QTGAL: variants seen among roughly 807,000 people sequenced by gnomAD.
The protein encoded by QTGAL is queuosine-tRNA galactosyltransferase.
At chr17:83,034,664 A>G in the QTGAL span, among the ~76,000 whole-genome samples, 7 of 152,144 alleles carry the variant, frequency 4.6e-5, no homozygotes, top group Non-Finnish European at 1.0e-4. Flanking sequence ...CCCCGGTGGG[A>G]GGCCACTGAA....
At chr17:82,946,819 A>G in the QTGAL span, 9 of 1,333,148 alleles carry the variant, frequency 6.8e-6, no homozygotes, top group Non-Finnish European at 9.4e-6. Flanking sequence ...AGCAGAATGA[A>G]AAGGAAATGA....
At chr17:82,961,094 G>A in the QTGAL span, 149 of 1,610,348 alleles carry the variant, frequency 9.3e-5, no homozygotes, top group African/African-American at 1.6e-4. Context: ...GGGTGGTGGC[G>A]ATACAGCAGG....
the QTGAL span, chr17:83,006,714 G>C: frequency 2.0e-6 from 2 of 985,450 alleles, no homozygotes; most frequent in Non-Finnish European, 1.2e-6. The surrounding 1 kb of genome is among the most constrained non-coding windows in gnomAD (Gnocchi z 5.8). Context: ...CCCGGCTTTC[G>C]CACTGCTCCT....
At chr17:82,961,078 G>A in the QTGAL span, 54 of 1,609,946 alleles carry the variant, frequency 3.4e-5, no homozygotes, top group African/African-American at 8.0e-5. Flanking sequence ...GTGCGTGGCC[G>A]CCTGTGGGTG....
At chr17:83,043,922 T>C in the QTGAL span, among the ~76,000 whole-genome samples, 1 of 151,694 alleles carries the variant, frequency 6.6e-6, no homozygotes, top group East Asian at 1.9e-4. Context: ...AGAAACAAAC[T>C]ACCAAAATTG....
chr17:82,966,745 G>C, the QTGAL span, among the ~76,000 whole-genome samples: 1 of 152,176 alleles, frequency 6.6e-6, no homozygotes, highest in Admixed American at 6.5e-5. Flanking sequence ...CATCCAGGGA[G>C]AACATTCGTG....
At chr17:83,030,010 T>G in the QTGAL span, among the ~76,000 whole-genome samples, 1 of 152,210 alleles carries the variant, frequency 6.6e-6, no homozygotes, top group African/African-American at 2.4e-5. Context: ...AGTTAGTCGC[T>G]ACCCACGAAA....
chr17:83,005,956 C>T, the QTGAL span: 10 of 1,184,212 alleles, frequency 8.4e-6, no homozygotes, highest in East Asian at 4.0e-4. The surrounding 1 kb of genome is among the most constrained non-coding windows in gnomAD (Gnocchi z 5.6). Flanking sequence ...GGTAGGAGGG[C>T]AGGTCCTTCA....
the QTGAL span, among the ~76,000 whole-genome samples, chr17:83,013,551 C>T: frequency 2.3e-4 from 35 of 151,112 alleles, no homozygotes; most frequent in African/African-American, 8.0e-4. Flanking sequence ...CTGTCACGAG[C>T]ACCCACTCTG....
chr17:82,957,584 C>T, the QTGAL span: 1 of 1,464,860 alleles, frequency 6.8e-7, no homozygotes, highest in Non-Finnish European at 9.1e-7. Context: ...GTGCTCAGCT[C>T]ACGTTGCCAG....
the QTGAL span, among the ~76,000 whole-genome samples, chr17:82,959,386 G>T: frequency 7.2e-6 from 1 of 139,088 alleles, no homozygotes; most frequent in African/African-American, 2.6e-5. Flanking sequence ...TGCAGTGAGC[G>T]TGTGCAGTGA....
chr17:82,997,149 T>G, the QTGAL span, among the ~76,000 whole-genome samples: 1 of 152,188 alleles, frequency 6.6e-6, no homozygotes. Flanking sequence ...ATTACCCATC[T>G]GACAAGGGAT....
chr17:82,953,453 G>A, the QTGAL span, among the ~76,000 whole-genome samples: 4 of 152,078 alleles, frequency 2.6e-5, no homozygotes, highest in Non-Finnish European at 4.4e-5. Context: ...ACCCTCCCAA[G>A]ACTAAACCAG....
the QTGAL span, among the ~76,000 whole-genome samples, chr17:82,950,735 C>T: frequency 6.6e-6 from 1 of 152,226 alleles, no homozygotes; most frequent in Non-Finnish European, 1.5e-5. Flanking sequence ...ACACGAACCC[C>T]TCGTACATCA....
the QTGAL span, among the ~76,000 whole-genome samples, chr17:82,969,754 A>G: frequency 0.062 from 9,379 of 152,178 alleles, 765 homozygotes; most frequent in African/African-American, 0.19. Flanking sequence ...ATCACAGCTC[A>G]CTGCAGCCTC....
At chr17:82,981,345 C>T in the QTGAL span, 1 of 152,270 alleles carries the variant, frequency 6.6e-6, no homozygotes, top group Admixed American at 6.5e-5. Flanking sequence ...GAGGTATTCA[C>T]CAGCCCCAGC....
the QTGAL span, chr17:83,051,607 AG>A: frequency 1.2e-5 from 11 of 949,206 alleles, no homozygotes; most frequent in Non-Finnish European, 1.6e-5. Flanking sequence ...CTCAGGGCGG[AG>A]ACCCCGTAGG....
the QTGAL span, among the ~76,000 whole-genome samples, chr17:83,019,556 G>A: frequency 0.34 from 52,434 of 152,026 alleles, 9,397 homozygotes; most frequent in South Asian, 0.44. Flanking sequence ...GCTGTTTCAC[G>A]GGGACAGAGC....
the QTGAL span, among the ~76,000 whole-genome samples, chr17:83,034,685 G>A: frequency 3.3e-5 from 5 of 152,214 alleles, no homozygotes; most frequent in East Asian, 3.8e-4. Flanking sequence ...TCACGGGGGC[G>A]GGCATTTCTG....
Sources: allele counts gnomAD v4.1 joint callset (sites outside exome capture counted in the v4.1 genomes callset), GRCh38; gene constraint gnomAD v4.1.1; non-coding constraint Gnocchi (gnomAD v3.1); transcripts MANE v1.5; gene names NCBI Gene and HGNC (gene_info 2026-07-23, HGNC 2026-07-21).